The following CEP290 variants were observed in gnomAD, a reference collection of about 807,000 sequenced individuals.
CEP290 encodes the protein centrosomal protein of 290 kDa.
Under a neutral mutation model 344.9 loss-of-function variants are expected in CEP290, and 317 were observed. That is an observed-to-expected ratio of 0.92 (90% CI 0.84 to 1.01). The LOEUF is 1.01. CEP290 is among the 50% of genes least tolerant of loss of function. The pLI is 0.00. For missense variants in CEP290, 2,754 were observed against 2,761.4 expected, an observed-to-expected ratio of 1.00 and a Z score of 0.06; for synonymous variants, 932 against 895.8, an observed-to-expected ratio of 1.04 and a Z score of -0.72.
At chr12:88,077,104 C>T (rs895852172) in intron 41 of CEP290, 118 bp downstream of exon 41, 1 of 957,292 alleles carries the variant, frequency 1.0e-6, no homozygotes, top group African/African-American at 1.7e-5. Context: ...AAAATTAATA[C>T]AGAATTAATA....
chr12:88,067,800 T>C (rs2035056066), intron 44 of CEP290, among the ~76,000 whole-genome samples: 1 of 152,228 alleles, frequency 6.6e-6, no homozygotes, highest in African/African-American at 2.4e-5. Flanking sequence ...TTTAACTCAA[T>C]AGGATCTAAA....
chr12:88,100,128 G>A (rs1485999914), intron 26 of CEP290, among the ~76,000 whole-genome samples: 1 of 151,834 alleles, frequency 6.6e-6, no homozygotes, highest in Non-Finnish European at 1.5e-5. Flanking sequence ...AAATTAGCCG[G>A]CCGTGCTGGT....
intron 26 of CEP290, among the ~76,000 whole-genome samples, chr12:88,102,091 A>C (rs2037933112): frequency 6.6e-6 from 1 of 152,328 alleles, no homozygotes; most frequent in African/African-American, 2.4e-5. Context: ...AGAATAATCC[A>C]AAATCCATAA....
intron 25 of CEP290, among the ~76,000 whole-genome samples, chr12:88,104,426 T>C (rs900414499): frequency 6.6e-6 from 1 of 152,086 alleles, no homozygotes; most frequent in Non-Finnish European, 1.5e-5. Context: ...TCTTTGTTTA[T>C]GTTTCCAAAA....
Position 88,129,791 on chromosome 12 carries a change from T to A in CEP290, c.755A>T (p.Lys252Met), listed in dbSNP as rs991079890. The change falls in exon 10 of 54, where the codon AAG becomes ATG. Residue 252 changes from lysine to methionine, a missense_variant. By Grantham distance (95) the Lys-to-Met change is moderately conservative. Coordinates refer to ENST00000552810, the MANE Select transcript of CEP290 (RefSeq NM_025114.4). ...CATTCTATTATATTCATCAGTCATC[T>A]TCTCCATTTCCTGTACAGACTCTTC... The part of the protein sequence containing the change: ...NLEESVQEME[K>M]MTDEYNRMKA... The A allele has an allele frequency of 6.7e-6, 10 of 1,484,342 alleles. No homozygotes were observed. In the African/African-American group the frequency reaches 1.3e-4, roughly 19 times the overall value. 91.9% of individuals were successfully genotyped at this position (1,484,342 alleles called of 1,614,324 possible).
Position 88,062,729 on chromosome 12 carries a change from T to C in CEP290, c.6320A>G (p.Lys2107Arg), listed in dbSNP as rs755933899. The C allele has an allele frequency of 1.1e-4, 171 of 1,601,586 alleles. No homozygotes were observed. Among genetic ancestry groups the C allele is most frequent in the Non-Finnish European group, 1.3e-4 (158 of 1,173,376 alleles). ...GCCAAGTTTCCGCTGAACTTCTGCT[T>C]TTTCTTTCTTAAGAAATTCACACAT... is the stretch of plus-strand genomic sequence containing the variant. ...KEMCEFLKKE[K>R]AEVQRKLGHV... Residue 2107 changes from lysine to arginine, a missense_variant, in exon 46 of 54, where the codon AAA (lysine) becomes AGA (arginine). Lys to Arg is a conservative substitution (Grantham distance 26, BLOSUM62 2). Transcript: ENST00000552810.
chr12:88,113,299 C>G (rs2137755525), intron 20 of CEP290, among the ~76,000 whole-genome samples: 1 of 151,808 alleles, frequency 6.6e-6, no homozygotes, highest in East Asian at 1.9e-4. Context: ...TCATCACGGA[C>G]AAAAGATGTT....
intron 23 of CEP290, 55 bp downstream of exon 23, chr12:88,109,011 C>A: frequency 1.7e-6 from 1 of 582,734 alleles, no homozygotes; most frequent in East Asian, 3.4e-5. Flanking sequence ...ACGTTACTTT[C>A]ACAATTAACA....
chr12:88,080,450 G>T, intron 37 of CEP290, 55 bp from the exon 38 acceptor site: 1 of 1,340,066 alleles, frequency 7.5e-7, no homozygotes, highest in Non-Finnish European at 1.0e-6. Flanking sequence ...ATTTTTTTGA[G>T]ACCCAGTCTC....
At chr12:88,094,991 G>C (rs1392313223) in intron 27 of CEP290, among the ~76,000 whole-genome samples, 1 of 152,018 alleles carries the variant, frequency 6.6e-6, no homozygotes, top group Admixed American at 6.6e-5. Flanking sequence ...TCTTTAAAAT[G>C]TATTATTTTA....
chr12:88,119,005 T>C (rs2039243966), intron 15 of CEP290, among the ~76,000 whole-genome samples: 2 of 152,202 alleles, frequency 1.3e-5, no homozygotes, highest in African/African-American at 2.4e-5. Context: ...GAAAATATGA[T>C]GTCTATGACA....
In CEP290 at chr12:88,129,560, A is replaced by T. The variant is rs918829391; in HGVS notation, c.852+134T>A. ...AACACATATGGACAAATATACCAACATGACAAGATATTACACTATTAAAAA... is the reference window on the plus strand; with the variant it reads ...AACACATATGGACAAATATACCAACTTGACAAGATATTACACTATTAAAAA... On this transcript the variant is annotated intron_variant, in intron 10 of 53. Coordinates refer to ENST00000552810, the MANE Select transcript of CEP290 (RefSeq NM_025114.4). The T allele has an allele frequency of 1.1e-5, 6 of 535,192 alleles. No individual in the cohort carries two copies. The Admixed American group carries it at 2.4e-4, about 21-fold the overall frequency. 33.2% of individuals were successfully genotyped at this position (535,192 alleles called of 1,614,324 possible).
intron 51 of CEP290, among the ~76,000 whole-genome samples, chr12:88,053,998 T>TG (rs1390377186): frequency 6.6e-6 from 1 of 152,206 alleles, no homozygotes; most frequent in Non-Finnish European, 1.5e-5. Flanking sequence ...AGGAGCTTAA[T>TG]GAAAGCAGGC....
chr12:88,066,077 A>C (rs2471506), intron 44 of CEP290, among the ~76,000 whole-genome samples: 118,692 of 152,124 alleles, frequency 0.78, 50,394 homozygotes, highest in East Asian at 0.96. Context: ...GTTATGAATT[A>C]AATCACTTTC....
chr12:88,126,403 C>A lies in CEP290; in HGVS notation c.978G>T (p.Glu326Asp). 6.6e-7 allele frequency: 1 copy of A among 1,515,458 alleles called. No individual in the cohort carries two copies. The highest frequency in any genetic ancestry group is 1.4e-5 in the South Asian group (1 of 72,844). 93.9% of individuals were successfully genotyped at this position (1,515,458 alleles called of 1,614,324 possible). ...TTAGGTTATGTAACATTTGCTGATACTCAATAATTTCATCATCTTTAGAAG... is the reference window on the plus strand; with the variant it reads ...TTAGGTTATGTAACATTTGCTGATAATCAATAATTTCATCATCTTTAGAAG... ...ILSSKDDEII[E>D]YQQMLHNLRE... is the part of the protein sequence containing the mutation. Residue 326 changes from glutamate to aspartate, a missense_variant, in exon 12 of 54, where the codon GAG becomes GAT. Coordinates refer to ENST00000552810, the MANE Select transcript of CEP290 (RefSeq NM_025114.4).
chr12:88,091,619 C>A (rs1389821807), intron 29 of CEP290, among the ~76,000 whole-genome samples: 1 of 151,656 alleles, frequency 6.6e-6, no homozygotes, highest in African/African-American at 2.4e-5. Context: ...TTAAAATGAA[C>A]TATTATAAGT....
intron 41 of CEP290, among the ~76,000 whole-genome samples, chr12:88,073,626 T>C (rs1430052308): frequency 6.6e-6 from 1 of 152,126 alleles, no homozygotes; most frequent in African/African-American, 2.4e-5. Context: ...CTGAAAGGGT[T>C]GAGAACCATG....
At chr12:88,111,087 G>T in intron 22 of CEP290, 115 bp downstream of exon 22, 1 of 571,746 alleles carries the variant, frequency 1.7e-6, no homozygotes, top group Non-Finnish European at 2.7e-6. Flanking sequence ...ATGCTTTGGT[G>T]ATGGAAAAAT....
chr12:88,124,952 A>G (rs1428894242), intron 13 of CEP290, among the ~76,000 whole-genome samples: 1 of 152,054 alleles, frequency 6.6e-6, no homozygotes, highest in East Asian at 1.9e-4. Context: ...TTAATTATAA[A>G]AAGTTAAATA....
Sources: gnomAD v4.1 joint callset for allele counts (sites outside exome capture counted in the v4.1 genomes callset) on GRCh38, gnomAD v4.1.1 for gene constraint, MANE v1.5 for transcripts, NCBI Gene and HGNC (gene_info 2026-07-23, HGNC 2026-07-21) for gene names.